SH3GL2: variants seen among roughly 807,000 people sequenced by gnomAD.
SH3GL2 encodes endophilin-A1.
Under a neutral mutation model 46.0 loss-of-function variants are expected in SH3GL2, and 24 were observed. The observed-to-expected ratio is 0.52, with a 90% CI of 0.38 to 0.73. The LOEUF (loss-of-function observed/expected upper bound fraction) is 0.73. SH3GL2 is among the 30% of genes least tolerant of loss of function. The pLI, the probability that SH3GL2 is intolerant of heterozygous loss-of-function variation, is 0.00. For missense variants in SH3GL2, 413 were observed against 424.2 expected (o/e 0.97, Z 0.23); for synonymous variants, 196 against 147.1 (o/e 1.33, Z -2.40).
intron 1 of SH3GL2, among the ~76,000 whole-genome samples, chr9:17,715,090 G>C (rs552375408): frequency 6.6e-6 from 1 of 151,272 alleles, no homozygotes; most frequent in African/African-American, 2.4e-5. Context: ...AGTATTCATA[G>C]CTCTCATCCT....
At chr9:17,666,493 A>C (rs910067568) in intron 1 of SH3GL2, among the ~76,000 whole-genome samples, 4 of 151,746 alleles carry the variant, frequency 2.6e-5, no homozygotes, top group African/African-American at 7.3e-5. Flanking sequence ...CTTTTGCAAA[A>C]ACAAGCAGAT....
At chr9:17,752,858 C>G (rs141332773) in intron 2 of SH3GL2, among the ~76,000 whole-genome samples, 5 of 152,214 alleles carry the variant, frequency 3.3e-5, no homozygotes, top group African/African-American at 1.2e-4. Flanking sequence ...TCTCCCTCCT[C>G]CCACCCTCCA....
intron 1 of SH3GL2, among the ~76,000 whole-genome samples, chr9:17,659,639 G>A (rs1476281922): frequency 3.3e-5 from 5 of 152,072 alleles, no homozygotes; most frequent in African/African-American, 7.2e-5. Context: ...AGAAACTGGT[G>A]GTATAACCCA....
intron 2 of SH3GL2, among the ~76,000 whole-genome samples, chr9:17,755,355 A>G (rs1161756596): frequency 6.6e-6 from 1 of 152,204 alleles, no homozygotes; most frequent in Non-Finnish European, 1.5e-5. Context: ...AATGGTGGAT[A>G]AGCTTTTTGA....
chr9:17,593,253 A>G (rs751304243), intron 1 of SH3GL2, among the ~76,000 whole-genome samples: 7 of 151,902 alleles, frequency 4.6e-5, no homozygotes, highest in Non-Finnish European at 1.0e-4. Flanking sequence ...ACCCTGATTT[A>G]TAGCTGATAG....
intron 7 of SH3GL2, among the ~76,000 whole-genome samples, chr9:17,792,567 T>C (rs1824162688): frequency 6.6e-6 from 1 of 152,172 alleles, no homozygotes; most frequent in African/African-American, 2.4e-5. Context: ...TCTTCCCTCT[T>C]TCCTTTCCTC....
intron 1 of SH3GL2, among the ~76,000 whole-genome samples, chr9:17,612,107 G>A (rs1477845556): frequency 1.3e-5 from 2 of 152,156 alleles, no homozygotes; most frequent in African/African-American, 4.8e-5. Flanking sequence ...AGGCAAGCCC[G>A]TGACCTGTCT....
chr9:17,615,587 A>G (rs1481434355), intron 1 of SH3GL2, among the ~76,000 whole-genome samples: 58 of 147,914 alleles, frequency 3.9e-4, no homozygotes, highest in Non-Finnish European at 8.9e-5. Context: ...CCCAGGAGGC[A>G]GAGGTTGCAG....
chr9:17,747,667 A>G (rs1441897775), intron 2 of SH3GL2, among the ~76,000 whole-genome samples: 3 of 151,774 alleles, frequency 2.0e-5, no homozygotes, highest in African/African-American at 7.3e-5. Flanking sequence ...TTAAAATTTT[A>G]TTATTATTAT....
rs114552222 is a variant in SH3GL2, at chr9:17,643,674, G to T, written c.45+64387G>T. Among the ~76,000 whole-genome samples, 1,471 of 152,266 alleles carry T rather than the reference G, an allele frequency of 9.7e-3. 25 individuals carry two copies. The highest frequency in any genetic ancestry group is 0.033 in the African/African-American group (1,380 of 41,548). On this transcript the variant is annotated intron_variant, in intron 1 of 8. Transcript: ENST00000380607. ...ATGTTGAAGCAGCCTTGCATCCCAC[G>T]GGTGAAGCCGACTTGATCGTGGTGG...
intron 1 of SH3GL2, among the ~76,000 whole-genome samples, chr9:17,718,200 A>G (rs772696345): frequency 6.6e-6 from 1 of 152,186 alleles, no homozygotes. Context: ...TGAAGAAAGC[A>G]GTGACAAAAT....
intron 1 of SH3GL2, among the ~76,000 whole-genome samples, chr9:17,693,768 C>A (rs1212823851): frequency 1.3e-5 from 2 of 152,154 alleles, no homozygotes; most frequent in Admixed American, 6.6e-5. Context: ...GAACGAAATG[C>A]CTGGCAAGGC....
Position 17,727,707 on chromosome 9 carries a change from A to G in SH3GL2, c.46-19359A>G, listed in dbSNP as rs556655439. ...ATTTCCATATCTTCCTCTTCAACCA[A>G]GGAGCAGTGCTGAGGCATGTTCTTC... is the stretch of plus-strand genomic sequence containing the variant. On this transcript the variant is annotated intron_variant, in intron 1 of 8. Transcript: ENST00000380607. Among the ~76,000 whole-genome samples, 213 of 152,296 alleles carry G rather than the reference A, an allele frequency of 1.4e-3. 2 individuals are homozygous for G. In the South Asian group the frequency reaches 0.016, roughly 12 times the overall value.
At chr9:17,593,305 C>T (rs868145864) in intron 1 of SH3GL2, among the ~76,000 whole-genome samples, 3 of 151,792 alleles carry the variant, frequency 2.0e-5, no homozygotes, top group African/African-American at 7.3e-5. Context: ...CATCTGAAGC[C>T]AGTTGTGGGA....
rs890392003 is a variant in SH3GL2 at position 17,700,208 on chromosome 9, T to G, written c.46-46858T>G. ...CTTGTTTCCCCTCTCTAAGTTGGTG[T>G]TGAATTGGTCATGTTGACCCACTTA... On this transcript the variant is annotated intron_variant, in intron 1 of 8. Coordinates refer to ENST00000380607, the MANE Select transcript of SH3GL2 (RefSeq NM_003026.5). 9.8e-5 allele frequency among the ~76,000 whole-genome samples: 15 copies of G among 152,350 alleles called. No individual in the cohort carries two copies. In the East Asian group the frequency reaches 2.9e-3, roughly 29 times the overall value.
chr9:17,692,759 AAAGACATG>A (rs1821113936), intron 1 of SH3GL2, among the ~76,000 whole-genome samples: 1 of 152,196 alleles, frequency 6.6e-6, no homozygotes, highest in African/African-American at 2.4e-5. Flanking sequence ...CACTGCTGAT[AAAGACATG>A]CTTGAAACTA....
intron 2 of SH3GL2, chr9:17,755,712 G>A (rs1458707359): frequency 9.3e-6 from 8 of 863,734 alleles, no homozygotes; most frequent in Non-Finnish European, 1.1e-5. Flanking sequence ...GGTATAATGT[G>A]GTATCTAATA....
At chr9:17,766,064 G>A (rs1823308517) in intron 3 of SH3GL2, among the ~76,000 whole-genome samples, 1 of 152,246 alleles carries the variant, frequency 6.6e-6, no homozygotes, top group Admixed American at 6.5e-5. Context: ...TCTAGATGCT[G>A]TGGGGCAGAA....
At chr9:17,660,082 G>T (rs1448697024) in intron 1 of SH3GL2, among the ~76,000 whole-genome samples, 1 of 152,196 alleles carries the variant, frequency 6.6e-6, no homozygotes, top group Non-Finnish European at 1.5e-5. Context: ...TTGAGTTAGA[G>T]TTGCCTCATC....
Sources: allele counts gnomAD v4.1 joint callset (sites outside exome capture counted in the v4.1 genomes callset), GRCh38; gene constraint gnomAD v4.1.1; transcripts MANE v1.5; gene names NCBI Gene and HGNC (gene_info 2026-07-23, HGNC 2026-07-21).